Variants in AGBL4 observed in about 807,000 individuals in gnomAD.
AGBL4 encodes the protein cytosolic carboxypeptidase 6.
Under a neutral mutation model 66.4 loss-of-function variants are expected in AGBL4, and 58 were observed. The observed-to-expected ratio is 0.87, with a 90% CI of 0.71 to 1.09. AGBL4 has a LOEUF of 1.09. Among genes scored for constraint, AGBL4 ranks in the 50% least tolerant of loss-of-function variants. The pLI, the probability that AGBL4 is intolerant of heterozygous loss-of-function variation, is 0.00. For synonymous variants in AGBL4, 234 were observed against 222.9 expected (o/e 1.05, Z -0.44); for missense variants, 579 against 631.0 (o/e 0.92, Z 0.88).
chr1:49,668,029 G>A (rs1411134053), intron 3 of AGBL4, among the ~76,000 whole-genome samples: 1 of 152,074 alleles, frequency 6.6e-6, no homozygotes, highest in Non-Finnish European at 1.5e-5. Flanking sequence ...CGTATCGTAG[G>A]GCAAAGCCCA....
intron 2 of AGBL4, among the ~76,000 whole-genome samples, chr1:49,762,647 C>T (rs1652420126): frequency 6.6e-6 from 1 of 152,168 alleles, no homozygotes; most frequent in African/African-American, 2.4e-5. Flanking sequence ...CTCCTGACCT[C>T]GTGCTCTGCC....
At chr1:49,296,759 T>C (rs1452277422) in intron 3 of AGBL4, among the ~76,000 whole-genome samples, 1 of 152,182 alleles carries the variant, frequency 6.6e-6, no homozygotes, top group African/African-American at 2.4e-5. Context: ...GCTGCCAGAA[T>C]GTAAAGGAAT....
At chr1:49,865,872 C>T (rs775845468) in intron 1 of AGBL4, 19 of 338,340 alleles carry the variant, frequency 5.6e-5, no homozygotes, top group South Asian at 4.7e-4. Context: ...CAAAACATTA[C>T]AGGAGCTGTT....
chr1:49,061,548 G>A lies in AGBL4; in HGVS notation c.378-15748C>T, dbSNP rs534042040. Among the ~76,000 whole-genome samples, 7 of 152,258 alleles carry A rather than the reference G, an allele frequency of 4.6e-5. No individual in the cohort carries two copies. In the South Asian group the frequency reaches 1.2e-3, roughly 27 times the overall value. ...CAGCCCTGGGAATGTCTAATACAGA[G>A]AAAGGAAGTCCTACCTAATGGTGCC... is the stretch of plus-strand genomic sequence containing the variant. On this transcript the variant is annotated intron_variant, in intron 4 of 13. Transcript: ENST00000371839.
chr1:49,903,338 C>G (rs1649958193), intron 1 of AGBL4, among the ~76,000 whole-genome samples: 1 of 151,982 alleles, frequency 6.6e-6, no homozygotes, highest in Non-Finnish European at 1.5e-5. Flanking sequence ...ACAATAGACA[C>G]CAGAGCCCAC....
intron 3 of AGBL4, among the ~76,000 whole-genome samples, chr1:49,369,245 A>C (rs556121439): frequency 6.6e-6 from 1 of 152,210 alleles, no homozygotes; most frequent in Non-Finnish European, 1.5e-5. Context: ...ATATCCCAGC[A>C]TAACCTTTAG....
chr1:49,631,599 C>A (rs911131515), intron 3 of AGBL4, among the ~76,000 whole-genome samples: 1 of 152,136 alleles, frequency 6.6e-6, no homozygotes, highest in Non-Finnish European at 1.5e-5. Context: ...TTGTGTCCCA[C>A]ATAAAACCCA....
At chr1:49,503,827 G>A (rs1424656152) in intron 3 of AGBL4, among the ~76,000 whole-genome samples, 1 of 152,046 alleles carries the variant, frequency 6.6e-6, no homozygotes, top group Non-Finnish European at 1.5e-5. Flanking sequence ...TTTGCTTTTG[G>A]TGGCTCATAA....
intron 11 of AGBL4, among the ~76,000 whole-genome samples, chr1:48,570,964 G>A (rs1227975501): frequency 1.3e-5 from 2 of 152,110 alleles, no homozygotes; most frequent in Non-Finnish European, 1.5e-5. Flanking sequence ...GCAATCAGAT[G>A]GCCTCCCAAC....
intron 1 of AGBL4, among the ~76,000 whole-genome samples, chr1:49,878,203 T>A (rs977974602): frequency 8.8e-5 from 13 of 147,744 alleles, no homozygotes; most frequent in Admixed American, 6.7e-4. Context: ...TTCTGCTAGC[T>A]TTTGAATGTG....
chr1:48,936,658 T>C (rs1015491720), intron 5 of AGBL4, among the ~76,000 whole-genome samples: 1 of 152,210 alleles, frequency 6.6e-6, no homozygotes, highest in Non-Finnish European at 1.5e-5. Flanking sequence ...GACATTTTCT[T>C]GGCTACATGG....
chr1:49,564,562 G>A (rs886626022), intron 3 of AGBL4, among the ~76,000 whole-genome samples: 7 of 152,170 alleles, frequency 4.6e-5, no homozygotes, highest in African/African-American at 1.4e-4. Flanking sequence ...ATTTTGTTAT[G>A]TACCCAGTAG....
chr1:49,221,974 C>A (rs1432969740), intron 4 of AGBL4, among the ~76,000 whole-genome samples: 2 of 152,066 alleles, frequency 1.3e-5, no homozygotes, highest in Non-Finnish European at 2.9e-5. Context: ...TCAGGGTTAG[C>A]AGGCAAGATT....
At chr1:49,435,336 T>C (rs186427595) in intron 3 of AGBL4, among the ~76,000 whole-genome samples, 25 of 152,322 alleles carry the variant, frequency 1.6e-4, no homozygotes, top group Admixed American at 1.5e-3. Context: ...TTATGTTTAT[T>C]GTCCCTCTCC....
At chr1:49,726,350 C>A (rs146776316) in intron 2 of AGBL4, among the ~76,000 whole-genome samples, 1 of 152,008 alleles carries the variant, frequency 6.6e-6, no homozygotes, top group African/African-American at 2.4e-5. Flanking sequence ...AATCTTAACA[C>A]AAGTCAGGTC....
intron 2 of AGBL4, among the ~76,000 whole-genome samples, chr1:49,751,770 A>G (rs1287122806): frequency 6.6e-6 from 1 of 152,130 alleles, no homozygotes; most frequent in East Asian, 1.9e-4. Flanking sequence ...TTATTGGTCT[A>G]TTCAGGGTTT....
At chr1:48,745,124 T>C (rs577684082) in intron 6 of AGBL4, among the ~76,000 whole-genome samples, 11 of 152,246 alleles carry the variant, frequency 7.2e-5, no homozygotes, top group African/African-American at 2.6e-4. Flanking sequence ...TCTTGGAGCG[T>C]AGGGAAGCGC....
At chr1:49,024,258 C>T (rs942456976) in intron 5 of AGBL4, among the ~76,000 whole-genome samples, 1 of 152,100 alleles carries the variant, frequency 6.6e-6, no homozygotes, top group Non-Finnish European at 1.5e-5. Context: ...ACATCCTTCT[C>T]CACAGACTTC....
At chr1:49,024,796 T>C (rs1260310213) in intron 5 of AGBL4, among the ~76,000 whole-genome samples, 3 of 152,160 alleles carry the variant, frequency 2.0e-5, no homozygotes, top group Non-Finnish European at 4.4e-5. Context: ...ATTTCACTTC[T>C]GTTATCCAAT....
Sources: gnomAD v4.1 joint callset for allele counts (sites outside exome capture counted in the v4.1 genomes callset) on GRCh38, gnomAD v4.1.1 for gene constraint, MANE v1.5 for transcripts, NCBI Gene and HGNC (gene_info 2026-07-23, HGNC 2026-07-21) for gene names.